PPP1R9A: variants seen among roughly 807,000 people sequenced by gnomAD.
The protein encoded by PPP1R9A is protein phosphatase 1 regulatory subunit 9A.
A neutral mutation model predicts 141.9 loss-of-function variants in PPP1R9A; 59 were observed. The ratio of observed to expected loss-of-function variants is 0.42; its 90% CI spans 0.34 to 0.52. The LOEUF (loss-of-function observed/expected upper bound fraction) is 0.52, where lower values mean the gene tolerates loss of function less well. Ranked by LOEUF, PPP1R9A falls within the 20% of genes least tolerant of loss-of-function variation. PPP1R9A has a pLI of 0.10. For missense variants in PPP1R9A, 1,444 were observed against 1,611.9 expected (o/e 0.90, Z 1.78); for synonymous variants, 500 against 569.7 (o/e 0.88, Z 1.74).
chr7:94,979,943 C>G (rs1259216910), intron 2 of PPP1R9A, among the ~76,000 whole-genome samples: 1 of 151,670 alleles, frequency 6.6e-6, no homozygotes, highest in African/African-American at 2.4e-5. Context: ...TTAGTATTTA[C>G]CTGTAAGGAT....
chr7:95,049,826 T>C (rs73724191), intron 2 of PPP1R9A, among the ~76,000 whole-genome samples: 1 of 152,326 alleles, frequency 6.6e-6, no homozygotes, highest in African/African-American at 2.4e-5. Context: ...CTCAGTTTCC[T>C]CCCTGTCTTT....
chr7:95,248,202 A>C (rs1234892800), intron 9 of PPP1R9A, among the ~76,000 whole-genome samples: 2 of 53,724 alleles, frequency 3.7e-5, no homozygotes, highest in Non-Finnish European at 8.4e-5. Context: ...ATATATTTTA[A>C]ATTACTTTTA....
intron 8 of PPP1R9A, among the ~76,000 whole-genome samples, chr7:95,246,567 G>T (rs991576527): frequency 1.3e-5 from 2 of 152,120 alleles, no homozygotes; most frequent in Non-Finnish European, 2.9e-5. Flanking sequence ...TGCCTCCAAA[G>T]ACCCTGCTGT....
chr7:95,113,987 A>G (rs1821028927), intron 3 of PPP1R9A, among the ~76,000 whole-genome samples: 1 of 152,226 alleles, frequency 6.6e-6, no homozygotes, highest in African/African-American at 2.4e-5. Flanking sequence ...AGTGAATTAA[A>G]GAGTAATGCT....
At chr7:94,986,166 C>A (rs1800806028) in intron 2 of PPP1R9A, among the ~76,000 whole-genome samples, 1 of 152,112 alleles carries the variant, frequency 6.6e-6, no homozygotes, top group Admixed American at 6.6e-5. Flanking sequence ...CCATTATTTT[C>A]TTTTTAGTTA....
chr7:95,162,027 T>C, intron 5 of PPP1R9A, 56 bp downstream of exon 5: 1 of 1,124,712 alleles, frequency 8.9e-7, no homozygotes, highest in Non-Finnish European at 1.3e-6. Flanking sequence ...AATTTTAATT[T>C]TCTATAGTTT....
At chr7:95,179,780 A>AG (rs2152785023) in intron 5 of PPP1R9A, among the ~76,000 whole-genome samples, 1 of 139,376 alleles carries the variant, frequency 7.2e-6, no homozygotes, top group East Asian at 2.0e-4. Flanking sequence ...AATAGCTGCA[A>AG]AAAAAAAAAA....
At chr7:94,935,544 A>C (rs999358836) in intron 2 of PPP1R9A, among the ~76,000 whole-genome samples, 1 of 152,194 alleles carries the variant, frequency 6.6e-6, no homozygotes, top group Admixed American at 6.5e-5. Flanking sequence ...CTTGTTTTAA[A>C]TGTGATATTA....
chr7:95,126,999 C>G (rs1019409587), intron 4 of PPP1R9A, among the ~76,000 whole-genome samples: 2 of 152,032 alleles, frequency 1.3e-5, no homozygotes, highest in African/African-American at 4.8e-5. Flanking sequence ...CTCTTTACCT[C>G]TCTTTCCTCT....
intron 14 of PPP1R9A, among the ~76,000 whole-genome samples, chr7:95,271,010 A>G (rs62467348): frequency 0.01 from 1,556 of 152,282 alleles, 14 homozygotes; most frequent in Non-Finnish European, 0.015. Flanking sequence ...AGGAAGTACA[A>G]TTAGAATAGC....
At chr7:95,253,886 T>C (rs1249397744) in intron 12 of PPP1R9A, among the ~76,000 whole-genome samples, 1 of 152,128 alleles carries the variant, frequency 6.6e-6, no homozygotes, top group East Asian at 1.9e-4. Flanking sequence ...TGCTGTGGCA[T>C]ACTCAAAGTA....
intron 5 of PPP1R9A, among the ~76,000 whole-genome samples, chr7:95,180,523 A>T (rs1833583251): frequency 6.6e-6 from 1 of 152,176 alleles, no homozygotes. Context: ...GAAGATAAAT[A>T]GCTGTGACTT....
At chr7:95,262,536 T>C (rs1437175157) in intron 12 of PPP1R9A, among the ~76,000 whole-genome samples, 1 of 152,224 alleles carries the variant, frequency 6.6e-6, no homozygotes, top group Non-Finnish European at 1.5e-5. Flanking sequence ...TGACTGGTAG[T>C]CACTGCCTTT....
In PPP1R9A at chr7:95,232,120, G is replaced by A. The variant is rs531707550; in HGVS notation, c.2112+6004G>A. Among the ~76,000 whole-genome samples the A allele has an allele frequency of 5.9e-5, 9 of 152,044 alleles. No homozygotes were observed. In the East Asian group the frequency reaches 1.5e-3, roughly 26 times the overall value. On this transcript the variant is annotated intron_variant, in intron 8 of 19. Transcript: ENST00000433360. Reference sequence around the variant, plus strand: ...AAGGCTACTATGAAAACCTTTACACGCATAAACTAGAAAATCTAGAGGAGA... The same window carrying A: ...AAGGCTACTATGAAAACCTTTACACACATAAACTAGAAAATCTAGAGGAGA...
At chr7:95,232,119 C>T (rs34494542) in intron 8 of PPP1R9A, among the ~76,000 whole-genome samples, 18,252 of 151,962 alleles carry the variant, frequency 0.12, 1,212 homozygotes, top group East Asian at 0.16. Context: ...AACCTTTACA[C>T]GCATAAACTA....
At chr7:95,234,131 T>G (rs1182866828) in intron 8 of PPP1R9A, among the ~76,000 whole-genome samples, 1 of 152,108 alleles carries the variant, frequency 6.6e-6, no homozygotes, top group Non-Finnish European at 1.5e-5. Context: ...AAGACAAGGA[T>G]GCCCACTTTC....
At position 95,268,599 on chromosome 7, in the gene PPP1R9A, G is replaced by A; in HGVS notation, c.2715G>A (p.Leu905=). The change falls in exon 13 of 20, where the codon CTG becomes CTA. Residue 905 remains leucine, a synonymous_variant. Coordinates refer to ENST00000433360, the MANE Select transcript of PPP1R9A (RefSeq NM_001166160.2). ...PETERLDSKA[L]KTRAQLSVKN... ...CAGAGCGCCTGGATTCAAAAGCACTGAAAACTCGAGCCCAGCTCTCTGTGA... is the reference window on the plus strand; with the variant it reads ...CAGAGCGCCTGGATTCAAAAGCACTAAAAACTCGAGCCCAGCTCTCTGTGA... 1 of 1,613,436 alleles carries A rather than the reference G, an allele frequency of 6.2e-7. No individual in the cohort carries two copies. The highest frequency in any genetic ancestry group is 8.5e-7 in the Non-Finnish European group (1 of 1,179,554).
At chr7:95,101,928 T>C (rs767492517) in intron 2 of PPP1R9A, among the ~76,000 whole-genome samples, 2 of 152,140 alleles carry the variant, frequency 1.3e-5, no homozygotes, top group Admixed American at 6.6e-5. Context: ...ATTATGTGGA[T>C]TTTTGGTTGT....
At chr7:95,275,653 A>T (rs182461293) in intron 16 of PPP1R9A, among the ~76,000 whole-genome samples, 22 of 152,282 alleles carry the variant, frequency 1.4e-4, no homozygotes, top group Admixed American at 1.3e-3. Context: ...TCATAGACTA[A>T]GGAAGAAACA....
Sources: gnomAD v4.1 joint callset for allele counts (sites outside exome capture counted in the v4.1 genomes callset) on GRCh38, gnomAD v4.1.1 for gene constraint, MANE v1.5 for transcripts, NCBI Gene and HGNC (gene_info 2026-07-23, HGNC 2026-07-21) for gene names.